GOLGA6L2: variants seen among roughly 807,000 people sequenced by gnomAD.
GOLGA6L2 encodes the protein golgin A6 family like 2, also known as golgin subfamily A member 6-like protein 2.
In GOLGA6L2, 30 loss-of-function variants were observed where a neutral mutation model predicts 35.9. The observed-to-expected ratio is 0.83, with a 90% CI of 0.62 to 1.13. The LOEUF is 1.13. GOLGA6L2 is among the 50% of genes most tolerant of loss of function. The pLI is 0.00. For synonymous variants in GOLGA6L2, 297 were observed against 344.0 expected, an observed-to-expected ratio of 0.86 and a Z score of 1.51; for missense variants, 821 against 973.4, an observed-to-expected ratio of 0.84 and a Z score of 2.08.
rs1371803173 is a variant in GOLGA6L2, at chr15:23,440,367, C to T, written c.2108G>A (p.Arg703Gln). Residue 703 changes from arginine (R) to glutamine (Q), a missense_variant, in exon 8 of 8, where the codon CGG becomes CAG. Around this residue, in one of 7 missense-constraint regions of GOLGA6L2, gnomAD observed 99 missense variants for 199.9 expected, o/e 0.50. Transcript: ENST00000567107. ...GTTCCCACAGCTTCTCCTTCTGTTC[C>T]GGCAGCCTCTGCTGCTCCCACATCT... ...RRRCGSSRGC[R>Q]NRRRSCGNTR... 3.2e-6 allele frequency: 4 copies of T among 1,262,034 alleles called. No homozygotes were observed. Among genetic ancestry groups the T allele is most frequent in the Non-Finnish European group, 3.3e-6 (3 of 920,534 alleles). The allele number at this position is 1,262,034 out of a possible 1,614,324, so 78.2% of individuals were successfully genotyped here. A position where few individuals can be genotyped will look rare whatever the true frequency, so the allele number is the denominator to read the frequency against.
Position 23,439,100 on chromosome 15 carries a change from C to A in GOLGA6L2, c.*645G>T, listed in dbSNP as rs2070616726. On this transcript the variant is annotated 3_prime_UTR_variant, in exon 8 of 8. Transcript: ENST00000567107. The stretch of plus-strand genomic sequence containing the variant: ...CAAAACAAGACTAAATGAGAAAGAC[C>A]AAGAAGAAAAACAATAGAAACATAC... Among the ~76,000 whole-genome samples the A allele has an allele frequency of 6.7e-6, 1 of 149,456 alleles. No individual in the cohort carries two copies. Among genetic ancestry groups the A allele is most frequent in the Non-Finnish European group, 1.5e-5 (1 of 67,548 alleles).
chr15:23,440,678 A>G lies in GOLGA6L2; in HGVS notation c.1797T>C (p.Asp599=), dbSNP rs563482416. 6.9e-6 allele frequency: 10 copies of G among 1,449,896 alleles called. No individual in the cohort carries two copies. The highest frequency in any genetic ancestry group is 1.7e-4 in the Middle Eastern group (1 of 5,822). The allele number at this position is 1,449,896 out of a possible 1,614,324, so 89.8% of individuals were successfully genotyped here. ...CCGCATCTTCTCCTCCTGCTGCCAC[A>G]TCTTCTTCTGCTCCCGCATTCTCTC... The part of the protein sequence containing the change: ...EGGENAGAEE[D]VAAGGEDAGG... Residue 599 remains aspartate (D), a synonymous_variant, in exon 8 of 8, where the codon GAT becomes GAC. Coordinates refer to ENST00000567107, the MANE Select transcript of GOLGA6L2 (RefSeq NM_001304388.2).
At chr15:23,446,221 G>A (rs1375342031) in intron 1 of GOLGA6L2, among the ~76,000 whole-genome samples, 1 of 152,162 alleles carries the variant, frequency 6.6e-6, no homozygotes, top group Non-Finnish European at 1.5e-5. Flanking sequence ...AGTCTCTCTG[G>A]AGAGTAGAAG....
Position 23,442,658 on chromosome 15 carries a change from C to G in GOLGA6L2, c.592-150G>C, listed in dbSNP as rs2070708946. 2.9e-5 allele frequency: 20 copies of G among 681,630 alleles called. No individual in the cohort carries two copies. In the Admixed American group the frequency reaches 6.6e-4, roughly 22 times the overall value. The allele number at this position is 681,630 out of a possible 1,614,324, so 42.2% of individuals were successfully genotyped here. ...CTCAAGGCAATTCCAAGCCCATGGT[C>G]TCATTTTTTTTTCTTTTTTTTTTTC... On this transcript the variant is annotated intron_variant, in intron 5 of 7. Transcript: ENST00000567107.
At chr15:23,443,088 C>G (rs539529442) in intron 5 of GOLGA6L2, among the ~76,000 whole-genome samples, 50 of 152,256 alleles carry the variant, frequency 3.3e-4, no homozygotes, top group African/African-American at 1.1e-3. Context: ...AGATGCAAAA[C>G]ATGGGGTATT....
At position 23,440,880 on chromosome 15, in the gene GOLGA6L2, T is replaced by A. The variant is rs1169657686; in HGVS notation, c.1595A>T (p.Lys532Met). 6.1e-6 allele frequency: 9 copies of A among 1,482,588 alleles called. No homozygotes were observed. Among genetic ancestry groups the A allele is most frequent in the African/African-American group, 1.5e-5 (1 of 67,958 alleles). The allele number at this position is 1,482,588 out of a possible 1,614,324, so 91.8% of individuals were successfully genotyped here. A position where few individuals can be genotyped will look rare whatever the true frequency, so the allele number is the denominator to read the frequency against. The change falls in exon 8 of 8, where the codon AAG (lysine) becomes ATG (methionine). Residue 532 changes from lysine (K) to methionine (M), a missense_variant. Lys to Met is a moderately conservative substitution (Grantham distance 95). Transcript: ENST00000567107. ...CCGCATCTTCTCCTGCCGCCACATC[T>A]TCTTCTCCTGCCCCCACATCTCCTC... ...DQEEMWGQEK[K>M]MWRQEKMREQ...
intron 5 of GOLGA6L2, among the ~76,000 whole-genome samples, chr15:23,443,190 G>A (rs56854950): frequency 0.031 from 4,649 of 152,176 alleles, 222 homozygotes; most frequent in African/African-American, 0.11. Flanking sequence ...CTTTCCCTGG[G>A]GGTAGGGGCA....
In GOLGA6L2 at chr15:23,440,707, C is replaced by A; in HGVS notation, c.1768G>T (p.Gly590Ter). Residue 590 changes from glycine to a stop codon, truncating the protein, a stop_gained, in exon 8 of 8, where the codon GGA becomes TGA. Coordinates refer to ENST00000567107, the MANE Select transcript of GOLGA6L2 (RefSeq NM_001304388.2). LOFTEE classifies it low-confidence loss of function (END_TRUNC). ...VGAGREAAGEGGENAGAEEDV... is the reference protein window; with the variant it reads ...VGAGREAAGE ...TCTTCTGCTCCCGCATTCTCTCCTC[C>A]TTCTCCCGCAGCCTCTCGTCCTGCT... The A allele has an allele frequency of 6.7e-7, 1 of 1,498,182 alleles. No homozygotes were observed. Among genetic ancestry groups the A allele is most frequent in the Non-Finnish European group, 9.0e-7 (1 of 1,115,040 alleles). The allele number at this position is 1,498,182 out of a possible 1,614,324, so 92.8% of individuals were successfully genotyped here.
In GOLGA6L2 at chr15:23,441,275, C is replaced by T; in HGVS notation, c.1200G>A (p.Trp400Ter). The T allele has an allele frequency of 6.5e-7, 1 of 1,539,154 alleles. No homozygotes were observed. Among genetic ancestry groups the T allele is most frequent in the African/African-American group, 1.4e-5 (1 of 72,768 alleles). Residue 400 changes from tryptophan (W) to a stop codon, truncating the protein, a stop_gained, in exon 8 of 8, where the codon TGG (tryptophan) becomes TGA (stop). Transcript: ENST00000567107. LOFTEE classifies it low-confidence loss of function (END_TRUNC). The stretch of plus-strand genomic sequence containing the variant: ...TCTCCCGTAGCCTCTCGTCCTGCTC[C>T]CACATCCTCTCCTCTTGGTCCCGCA... ...QKMRDQEERM[W>*]EQDERLREKE... is the part of the protein sequence containing the mutation.
intron 2 of GOLGA6L2, 88 bp from the exon 3 acceptor site, chr15:23,444,588 T>A: frequency 7.9e-7 from 1 of 1,266,608 alleles, no homozygotes; most frequent in Non-Finnish European, 1.1e-6. Context: ...GGGTCAGGAA[T>A]GGATTTTAAA....
chr15:23,446,318 C>T (rs1595260038), intron 1 of GOLGA6L2, among the ~76,000 whole-genome samples: 2 of 152,244 alleles, frequency 1.3e-5, no homozygotes, highest in East Asian at 3.9e-4. Context: ...GAGGTGTAGG[C>T]TTTTCAAACT....
At chr15:23,444,639 A>G in intron 2 of GOLGA6L2, 139 bp from the exon 3 acceptor site, 1 of 721,806 alleles carries the variant, frequency 1.4e-6, no homozygotes, top group South Asian at 1.6e-5. Context: ...GAAGTGGTAA[A>G]CTCTCAACTC....
At position 23,440,778 on chromosome 15, in the gene GOLGA6L2, GCATCTTCTCCTCCTGCTCCCA is replaced by G. The variant is rs2070663923; in HGVS notation, c.1676_1696del (p.Val559_Asp565del). ...TCCCACATCTTCTGCTCCTGATCCC[GCATCTTCTCCTCCTGCTCCCA>G]CATCTGCTTCTCCTGCTCCTGCAGC... On this transcript the variant is annotated inframe_deletion, in exon 8 of 8. Coordinates refer to ENST00000567107, the MANE Select transcript of GOLGA6L2 (RefSeq NM_001304388.2). 6.5e-7 allele frequency: 1 copy of G among 1,532,302 alleles called. No individual in the cohort carries two copies. Among genetic ancestry groups the G allele is most frequent in the Non-Finnish European group, 8.8e-7 (1 of 1,138,648 alleles). 94.9% of individuals were successfully genotyped at this position (1,532,302 alleles called of 1,614,324 possible). A position where few individuals can be genotyped will look rare whatever the true frequency, so the allele number is the denominator to read the frequency against.
chr15:23,444,033 G>A lies in GOLGA6L2; in HGVS notation c.335C>T (p.Thr112Ile). Residue 112 changes from threonine (T) to isoleucine (I), a missense_variant, in exon 5 of 8, where the codon ACT becomes ATT. This residue lies in a region of GOLGA6L2 where 614 missense variants were observed against 632.3 expected (regional missense o/e 0.97). Coordinates refer to ENST00000567107, the MANE Select transcript of GOLGA6L2 (RefSeq NM_001304388.2). Reference sequence around the variant, plus strand: ...GTAATAGAGCGCTGTCTCCAGTTCAGTTTTCTGACACGTGAGAATTCGTAT... The same window carrying A: ...GTAATAGAGCGCTGTCTCCAGTTCAATTTTCTGACACGTGAGAATTCGTAT... Reference protein sequence around the residue: ...HTIRILTCQKTELETALYYSQ... With the variant: ...HTIRILTCQKIELETALYYSQ... 6.4e-7 allele frequency: 1 copy of A among 1,555,068 alleles called. No individual in the cohort carries two copies. The highest frequency in any genetic ancestry group is 1.2e-5 in the South Asian group (1 of 85,952).
Position 23,441,412 on chromosome 15 carries a change from C to G in GOLGA6L2, c.1063G>C (p.Glu355Gln). ...TTCTCCTCCTGCTCCCACATCTTCT[C>G]CTCCTGCTCCTGCATCTGCTCCTCC... is the stretch of plus-strand genomic sequence containing the variant. ...EQEEQMQEQE[E>Q]KMWEQEEKMR... is the part of the protein sequence containing the mutation. Residue 355 changes from glutamate (E) to glutamine (Q), a missense_variant, in exon 8 of 8, where the codon GAG becomes CAG. Around this residue, in one of 7 missense-constraint regions of GOLGA6L2, gnomAD observed 614 missense variants for 632.3 expected, o/e 0.97. Coordinates refer to ENST00000567107, the MANE Select transcript of GOLGA6L2 (RefSeq NM_001304388.2). The G allele has an allele frequency of 1.3e-6, 2 of 1,533,840 alleles. No individual in the cohort carries two copies. Among genetic ancestry groups the G allele is most frequent in the Non-Finnish European group, 1.8e-6 (2 of 1,141,000 alleles).
chr15:23,443,852 A>C lies in GOLGA6L2; in HGVS notation c.516T>G (p.His172Gln). ...GESKDLAGRL[H>Q]HSWHFAGELQ... ...ACTCTCCTGCAAAGTGCCAGGAATG[A>C]TGCAAGCGGCCGGCGAGATCCTTGG... Residue 172 changes from histidine to glutamine, a missense_variant, in exon 5 of 8, where the codon CAT becomes CAG. Transcript: ENST00000567107. 1 of 1,540,788 alleles carries C rather than the reference A, an allele frequency of 6.5e-7. No homozygotes were observed. Among genetic ancestry groups the C allele is most frequent in the South Asian group, 1.2e-5 (1 of 84,356 alleles).
At position 23,441,241 on chromosome 15, in the gene GOLGA6L2, TCTC is replaced by T. The variant is rs757472263; in HGVS notation, c.1231_1233del (p.Glu411del). On this transcript the variant is annotated inframe_deletion, in exon 8 of 8. Transcript: ENST00000567107. ...CACATCTTCTCCTGCTCCCGCATCC[TCTC>T]CTCCTTCTCCCGTAGCCTCTCGTCC... is the stretch of plus-strand genomic sequence containing the variant. 2.0e-6 allele frequency: 3 copies of T among 1,538,054 alleles called. No homozygotes were observed. The East Asian group carries it at 7.4e-5, about 38-fold the overall frequency.
intron 2 of GOLGA6L2, 69 bp from the exon 3 acceptor site, chr15:23,444,569 G>C: frequency 7.1e-7 from 1 of 1,408,196 alleles, no homozygotes; most frequent in South Asian, 1.2e-5. Flanking sequence ...GCCAGGAAGC[G>C]GTACGCAGGG....
In GOLGA6L2 at chr15:23,441,141, T is replaced by C. The variant is rs1297355093; in HGVS notation, c.1334A>G (p.Lys445Arg). 6.6e-7 allele frequency: 1 copy of C among 1,511,354 alleles called. No individual in the cohort carries two copies. The highest frequency in any genetic ancestry group is 8.8e-7 in the Non-Finnish European group (1 of 1,131,130). 93.6% of individuals were successfully genotyped at this position (1,511,354 alleles called of 1,614,324 possible). A position where few individuals can be genotyped will look rare whatever the true frequency, so the allele number is the denominator to read the frequency against. Residue 445 changes from lysine to arginine, a missense_variant, in exon 8 of 8, where the codon AAG (lysine) becomes AGG (arginine). Coordinates refer to ENST00000567107, the MANE Select transcript of GOLGA6L2 (RefSeq NM_001304388.2). Reference sequence around the variant, plus strand: ...CCGTATCCTCTCCTCCTCTTGCATCTTCTCCTCCTGGTCCCGCGTCTTCTT... The same window carrying C: ...CCGTATCCTCTCCTCCTCTTGCATCCTCTCCTCCTGGTCCCGCGTCTTCTT... ...QEKKTRDQEE[K>R]MQEEERIRER... is the part of the protein sequence containing the mutation.
Sources: gnomAD v4.1 joint callset for allele counts (sites outside exome capture counted in the v4.1 genomes callset) on GRCh38, gnomAD v4.1.1 for gene constraint, gnomAD v4.1.1 regional missense constraint, MANE v1.5 for transcripts, NCBI Gene and HGNC (gene_info 2026-07-23, HGNC 2026-07-21) for gene names.